TJP2: variants seen among roughly 807,000 people sequenced by gnomAD.
TJP2 encodes the protein Friedreich ataxia region gene X104 (tight junction protein ZO-2).
TJP2 carries 91 observed loss-of-function variants against 133.1 expected under a neutral mutation model. That is an observed-to-expected ratio of 0.68 (90% confidence interval 0.58 to 0.81). The LOEUF is 0.81. TJP2 is among the 40% of genes least tolerant of loss of function. TJP2 has a pLI of 0.00. For missense variants in TJP2, 1,541 were observed against 1,565.6 expected (o/e 0.98, Z 0.26); for synonymous variants, 592 against 583.4 (o/e 1.01, Z -0.21).
chr9:69,194,748 A>G (rs546162642), intron 1 of TJP2, among the ~76,000 whole-genome samples: 1 of 152,302 alleles, frequency 6.6e-6, no homozygotes, highest in African/African-American at 2.4e-5. Flanking sequence ...TGTGCATATT[A>G]ATCACATAGG....
chr9:69,148,019 G>A (rs1823292240), intron 1 of TJP2, among the ~76,000 whole-genome samples: 1 of 151,560 alleles, frequency 6.6e-6, no homozygotes, highest in Admixed American at 6.6e-5. Context: ...CCGCCTCCCG[G>A]GTTCCAGAGA....
At chr9:69,229,153 T>C in intron 9 of TJP2, 31 bp from the exon 10 acceptor site, 3 of 1,605,490 alleles carry the variant, frequency 1.9e-6, no homozygotes, top group Non-Finnish European at 2.6e-6. Flanking sequence ...TTAGTCCAGA[T>C]TGATAACAGT....
intron 1 of TJP2, among the ~76,000 whole-genome samples, chr9:69,138,309 G>A (rs1217307716): frequency 6.6e-6 from 1 of 152,138 alleles, no homozygotes. Context: ...TCACGTATCA[G>A]ACATTGGCTT....
intron 7 of TJP2, among the ~76,000 whole-genome samples, chr9:69,226,687 C>T (rs540987034): frequency 2.2e-4 from 33 of 152,212 alleles, no homozygotes; most frequent in Non-Finnish European, 4.0e-4. Context: ...TTAGTAGAGA[C>T]GGGGTTTCAC....
chr9:69,178,699 T>C (rs1468028671), intron 1 of TJP2, among the ~76,000 whole-genome samples: 1 of 152,230 alleles, frequency 6.6e-6, no homozygotes, highest in Non-Finnish European at 1.5e-5. Context: ...GAGCTAGCTG[T>C]TTGTTTTAAC....
At chr9:69,129,772 T>A (rs12001842) in intron 1 of TJP2, among the ~76,000 whole-genome samples, 3,700 of 151,448 alleles carry the variant, frequency 0.024, 159 homozygotes, top group African/African-American at 0.084. Flanking sequence ...ATCCCAGCAC[T>A]TTGGGAAGCT....
intron 2 of TJP2, among the ~76,000 whole-genome samples, chr9:69,153,562 G>A (rs113607635): frequency 8.5e-5 from 13 of 152,182 alleles, no homozygotes; most frequent in East Asian, 3.9e-4. Flanking sequence ...CCAGCCTTGC[G>A]ATACAGAGAA....
At chr9:69,198,951 C>T (rs1826793864) in intron 1 of TJP2, among the ~76,000 whole-genome samples, 1 of 152,170 alleles carries the variant, frequency 6.6e-6, no homozygotes. Context: ...AAAAATTATT[C>T]GTTTTTGGAA....
In TJP2 at chr9:69,248,123, G is replaced by A. The variant is rs757479001; in HGVS notation, c.2779G>A (p.Gly927Ser). 5 of 1,614,182 alleles carry A rather than the reference G, an allele frequency of 3.1e-6. No homozygotes were observed. The highest frequency in any genetic ancestry group is 1.1e-5 in the South Asian group (1 of 91,082). ...RLISDFEDTD[G>S]EGGAYTDNEL... ...CATCAGTGACTTTGAAGACACGGAC[G>A]GTGAAGGAGGCGCCTACACTGACAA... is the stretch of plus-strand genomic sequence containing the variant. The change falls in exon 19 of 23, where the codon GGT (glycine) becomes AGT (serine). Residue 927 changes from glycine (G) to serine (S), a missense_variant. By Grantham distance (56) the Gly-to-Ser change is moderately conservative. Transcript: ENST00000377245.
intron 2 of TJP2, among the ~76,000 whole-genome samples, chr9:69,162,147 A>G (rs1056471542): frequency 6.8e-6 from 1 of 148,054 alleles, no homozygotes; most frequent in Non-Finnish European, 1.5e-5. Flanking sequence ...ATGAATATAT[A>G]TGCCTTTATA....
chr9:69,142,923 A>G (rs933751152), intron 1 of TJP2, among the ~76,000 whole-genome samples: 1 of 152,248 alleles, frequency 6.6e-6, no homozygotes, highest in African/African-American at 2.4e-5. Context: ...CAATATATGC[A>G]TATTTCTAAA....
intron 1 of TJP2, among the ~76,000 whole-genome samples, chr9:69,149,662 C>T (rs1012849818): frequency 2.0e-5 from 3 of 152,148 alleles, no homozygotes; most frequent in Non-Finnish European, 4.4e-5. Context: ...GAAAGTTTTT[C>T]CTGTGACTGC....
At chr9:69,235,226 A>G (rs578096622) in intron 12 of TJP2, among the ~76,000 whole-genome samples, 2 of 152,294 alleles carry the variant, frequency 1.3e-5, no homozygotes, top group South Asian at 4.1e-4. Flanking sequence ...TTCCAGTACC[A>G]AGTCAGGGAA....
At chr9:69,243,467 A>G (rs1313654156) in intron 17 of TJP2, among the ~76,000 whole-genome samples, 1 of 152,256 alleles carries the variant, frequency 6.6e-6, no homozygotes, top group Admixed American at 6.5e-5. Flanking sequence ...ACTTGTCATA[A>G]TAAGTTTAAG....
At chr9:69,149,575 A>G (rs1055500963) in intron 1 of TJP2, among the ~76,000 whole-genome samples, 2 of 150,246 alleles carry the variant, frequency 1.3e-5, no homozygotes, top group East Asian at 2.0e-4. Context: ...TTTTGCACAG[A>G]CGCCACAATA....
At chr9:69,253,154 T>C (rs760680034) in intron 22 of TJP2, 5 of 536,948 alleles carry the variant, frequency 9.3e-6, no homozygotes, top group East Asian at 6.5e-5. Context: ...ATTTGACACA[T>C]TGGAGCCTGG....
At chr9:69,220,766 A>C (rs1432371125) in intron 4 of TJP2, 121 bp from the exon 5 acceptor site, 1 of 928,710 alleles carries the variant, frequency 1.1e-6, no homozygotes, top group Non-Finnish European at 1.7e-6. Flanking sequence ...AGGAACCTGA[A>C]CCTTAGTGAG....
chr9:69,201,318 C>T (rs1393525947), intron 1 of TJP2, among the ~76,000 whole-genome samples: 1 of 152,176 alleles, frequency 6.6e-6, no homozygotes, highest in Non-Finnish European at 1.5e-5. Context: ...CTGGTTGGAG[C>T]AGGCTGCAGT....
Position 69,236,155 on chromosome 9 carries a change from A to C in TJP2, c.1908A>C (p.Thr636=), listed in dbSNP as rs747037912. Residue 636 remains threonine (T), a synonymous_variant, in exon 13 of 23, where the codon ACA becomes ACC. Transcript: ENST00000377245. The part of the protein sequence containing the change: ...TRGEVFRVVD[T]LYDGKLGNWL... ...GGGAGGTCTTCCGAGTGGTAGACAC[A>C]CTGTATGACGGCAAGCTGGGCAACT... 2.5e-5 allele frequency: 41 copies of C among 1,614,058 alleles called. No homozygotes were observed. Among genetic ancestry groups the C allele is most frequent in the Non-Finnish European group, 1.5e-5 (18 of 1,180,038 alleles).
Sources: gnomAD v4.1 joint callset for allele counts (sites outside exome capture counted in the v4.1 genomes callset) on GRCh38, gnomAD v4.1.1 for gene constraint, MANE v1.5 for transcripts, NCBI Gene and HGNC (gene_info 2026-07-23, HGNC 2026-07-21) for gene names.